SEPTIN14: variants seen among roughly 807,000 people sequenced by gnomAD.
SEPTIN14 encodes septin 14, also known as septin-14.
In SEPTIN14, 40 loss-of-function variants were observed where a neutral mutation model predicts 53.6. The observed-to-expected ratio is 0.75, with a 90% CI of 0.58 to 0.97. SEPTIN14 has a LOEUF of 0.97. Ranked by LOEUF, SEPTIN14 falls within the 50% of genes least tolerant of loss-of-function variation. SEPTIN14 has a pLI of 0.00. For missense variants in SEPTIN14, 471 were observed against 508.2 expected (o/e 0.93, Z 0.70); for synonymous variants, 138 against 166.8 (o/e 0.83, Z 1.33).
intron 2 of SEPTIN14, among the ~76,000 whole-genome samples, chr7:55,852,567 T>C (rs1366333552): frequency 1.3e-5 from 2 of 152,134 alleles, no homozygotes; most frequent in East Asian, 3.9e-4. Context: ...AAATCTAAGC[T>C]GTGAAACTAT....
chr7:55,843,270 A>T, intron 4 of SEPTIN14, 142 bp from the exon 5 acceptor site: 1 of 504,640 alleles, frequency 2.0e-6, no homozygotes. Context: ...CCATACAAAG[A>T]TATTAATTCT....
chr7:55,815,617 C>T (rs1193900730), intron 7 of SEPTIN14, among the ~76,000 whole-genome samples: 3 of 151,866 alleles, frequency 2.0e-5, no homozygotes, highest in Non-Finnish European at 4.4e-5. Flanking sequence ...CACTGATTAC[C>T]AGAGAAAGGC....
At chr7:55,805,004 A>T (rs1788589635) in intron 9 of SEPTIN14, among the ~76,000 whole-genome samples, 1 of 152,196 alleles carries the variant, frequency 6.6e-6, no homozygotes, top group African/African-American at 2.4e-5. Context: ...ATGAAAATTT[A>T]AATTATAAAT....
chr7:55,830,536 G>T (rs951073915), intron 6 of SEPTIN14, among the ~76,000 whole-genome samples: 3 of 150,340 alleles, frequency 2.0e-5, no homozygotes, highest in Non-Finnish European at 4.4e-5. Context: ...GTACAGAAGG[G>T]GTTTCATGGT....
chr7:55,840,631 T>G (rs1789293510), intron 5 of SEPTIN14, among the ~76,000 whole-genome samples: 1 of 152,138 alleles, frequency 6.6e-6, no homozygotes, highest in Non-Finnish European at 1.5e-5. Flanking sequence ...ATCTTGGACT[T>G]CTGTCCTCCA....
chr7:55,806,104 C>T (rs1422874225), intron 8 of SEPTIN14, among the ~76,000 whole-genome samples: 1 of 152,118 alleles, frequency 6.6e-6, no homozygotes, highest in Non-Finnish European at 1.5e-5. Flanking sequence ...TCAAGCGATT[C>T]TCCTGCCTCA....
chr7:55,838,030 G>A (rs1436592725), intron 5 of SEPTIN14, among the ~76,000 whole-genome samples: 1 of 152,178 alleles, frequency 6.6e-6, no homozygotes, highest in Non-Finnish European at 1.5e-5. Context: ...CCTTCTGTAT[G>A]GATAAATCTG....
chr7:55,847,522 G>C (rs1451359360), intron 2 of SEPTIN14, among the ~76,000 whole-genome samples: 1 of 152,028 alleles, frequency 6.6e-6, no homozygotes, highest in African/African-American at 2.4e-5. Context: ...GACATGCTCA[G>C]AACACTTACA....
intron 6 of SEPTIN14, among the ~76,000 whole-genome samples, chr7:55,830,339 A>ATTTTTTTTTT (rs1562713350): frequency 1.7e-5 from 1 of 59,692 alleles, no homozygotes; most frequent in Non-Finnish European, 3.5e-5. Flanking sequence ...ATATATATAT[A>ATTTTTTTTTT]TATATATATA....
rs547481490 is a variant in SEPTIN14, at chr7:55,795,587, C to G, written c.*326G>C. The G allele has an allele frequency of 1.4e-4, 40 of 288,332 alleles. No homozygotes were observed. Among genetic ancestry groups the G allele is most frequent in the South Asian group, 1.2e-3 (37 of 30,126 alleles). The allele number at this position is 288,332 out of a possible 1,614,324, so 17.9% of individuals were successfully genotyped here. ...GGTTCAAGTGATTCTCCTGCCTCAG[C>G]CTCCCAAGTGGCTGGGATTACAGGT... On this transcript the variant is annotated 3_prime_UTR_variant, in exon 10 of 10. Coordinates refer to ENST00000388975, the MANE Select transcript of SEPTIN14 (RefSeq NM_207366.3).
intron 6 of SEPTIN14, among the ~76,000 whole-genome samples, chr7:55,828,637 A>G (rs1789033604): frequency 6.6e-6 from 1 of 152,156 alleles, no homozygotes; most frequent in African/African-American, 2.4e-5. Context: ...TAGACTAAGC[A>G]GAAGACAGAC....
intron 7 of SEPTIN14, among the ~76,000 whole-genome samples, chr7:55,817,026 A>C (rs1584256627): frequency 6.6e-6 from 1 of 152,192 alleles, no homozygotes; most frequent in East Asian, 1.9e-4. Flanking sequence ...TACTGGATAC[A>C]TTACCTCCCA....
chr7:55,847,813 G>GA (rs1789439426), intron 2 of SEPTIN14, among the ~76,000 whole-genome samples: 1 of 152,088 alleles, frequency 6.6e-6, no homozygotes, highest in South Asian at 2.1e-4. Flanking sequence ...CACCATTCTA[G>GA]AAAATTAGAA....
chr7:55,823,666 C>T (rs1019748917), intron 6 of SEPTIN14, among the ~76,000 whole-genome samples: 5 of 152,076 alleles, frequency 3.3e-5, no homozygotes, highest in African/African-American at 9.7e-5. Flanking sequence ...CCCTGGCTGG[C>T]AAAATGATTG....
intron 3 of SEPTIN14, among the ~76,000 whole-genome samples, chr7:55,845,788 G>A (rs113860613): frequency 0.011 from 1,678 of 151,744 alleles, 19 homozygotes; most frequent in African/African-American, 0.03. Context: ...GGTGGCTCAC[G>A]CCTGTAATCC....
At chr7:55,812,402 G>A (rs1788718687) in intron 7 of SEPTIN14, among the ~76,000 whole-genome samples, 1 of 152,182 alleles carries the variant, frequency 6.6e-6, no homozygotes, top group Non-Finnish European at 1.5e-5. Context: ...GAAATAGAGA[G>A]TAGACAGGTG....
chr7:55,835,261 A>G (rs1427814007), intron 5 of SEPTIN14, among the ~76,000 whole-genome samples: 12 of 151,574 alleles, frequency 7.9e-5, no homozygotes. Flanking sequence ...GGAGTGCAGT[A>G]GCGCGATCTT....
chr7:55,802,311 A>G (rs1049720820), intron 9 of SEPTIN14, among the ~76,000 whole-genome samples: 2 of 152,156 alleles, frequency 1.3e-5, no homozygotes, highest in Non-Finnish European at 2.9e-5. Flanking sequence ...GGCCAGGAGA[A>G]TACACTTCTA....
At chr7:55,853,466 C>T (rs947573997) in intron 2 of SEPTIN14, among the ~76,000 whole-genome samples, 1 of 151,944 alleles carries the variant, frequency 6.6e-6, no homozygotes, top group African/African-American at 2.4e-5. Flanking sequence ...CTTGTGGGAG[C>T]TAAAAATTAA....
Sources: gnomAD v4.1 joint callset for allele counts (sites outside exome capture counted in the v4.1 genomes callset) on GRCh38, gnomAD v4.1.1 for gene constraint, MANE v1.5 for transcripts, NCBI Gene and HGNC (gene_info 2026-07-23, HGNC 2026-07-21) for gene names.